The following KAZN variants were observed in gnomAD, a reference collection of about 807,000 sequenced individuals.
KAZN encodes the protein kazrin.
Under a neutral mutation model 87.4 loss-of-function variants are expected in KAZN, and 40 were observed. The ratio of observed to expected loss-of-function variants is 0.46; its 90% CI spans 0.36 to 0.60. The LOEUF is 0.60. Ranked by LOEUF, KAZN falls within the 20% of genes least tolerant of loss-of-function variation. KAZN has a pLI of 0.00. For missense variants in KAZN, 898 were observed against 1,073.9 expected, an observed-to-expected ratio of 0.84 and a Z score of 2.29; for synonymous variants, 466 against 458.3, an observed-to-expected ratio of 1.02 and a Z score of -0.22.
At chr1:14,768,411 T>C (rs1644940605) in intron 1 of KAZN, among the ~76,000 whole-genome samples, 1 of 152,208 alleles carries the variant, frequency 6.6e-6, no homozygotes, top group South Asian at 2.1e-4. Flanking sequence ...TTGATGCGTG[T>C]GGAAACGGAG....
chr1:14,022,964 A>G (rs1467508610), intron 1 of KAZN, among the ~76,000 whole-genome samples: 1 of 152,094 alleles, frequency 6.6e-6, no homozygotes, highest in Non-Finnish European at 1.5e-5. Flanking sequence ...TTATAAATGG[A>G]ATACTATTTC....
intron 10 of KAZN, among the ~76,000 whole-genome samples, 165 bp from the exon 11 acceptor site, chr1:15,101,378 G>A (rs1641062151): frequency 1.3e-5 from 2 of 149,074 alleles, no homozygotes; most frequent in Admixed American, 6.7e-5. Flanking sequence ...TTTTCCTCTT[G>A]ATCTCTCGGC....
chr1:14,711,489 C>T (rs898883678), intron 1 of KAZN, among the ~76,000 whole-genome samples: 3 of 152,166 alleles, frequency 2.0e-5, no homozygotes, highest in Non-Finnish European at 4.4e-5. Context: ...TCCCCACGCC[C>T]TTCCGCTGGT....
intron 1 of KAZN, among the ~76,000 whole-genome samples, chr1:14,135,339 G>A (rs10737920): frequency 0.57 from 86,828 of 151,704 alleles, 26,103 homozygotes; most frequent in East Asian, 0.76. Flanking sequence ...TTTAAAGTCA[G>A]CCGAATAGCT....
In KAZN at chr1:14,452,191, C is replaced by T. The variant is rs140832925; in HGVS notation, c.250-146792C>T. 9.2e-5 allele frequency among the ~76,000 whole-genome samples: 14 copies of T among 152,258 alleles called. No individual in the cohort carries two copies. In the South Asian group the frequency reaches 1.9e-3, roughly 20 times the overall value. ...CTGACCTCAGGTGATCTGCCCACCT[C>T]GGCATCCCAAACTGCTAGGATTACA... On this transcript the variant is annotated intron_variant, in intron 2 of 16. Transcript: ENST00000636203.
At chr1:14,410,834 A>G (rs1056705910) in intron 2 of KAZN, among the ~76,000 whole-genome samples, 3 of 152,216 alleles carry the variant, frequency 2.0e-5, no homozygotes, top group African/African-American at 7.2e-5. Flanking sequence ...GAAAGAGGCC[A>G]GGCATGGATT....
chr1:13,969,647 C>A lies in KAZN; in HGVS notation c.91+75891C>A, dbSNP rs184809083. ...GCATTTCTTGCACTGGCTGTTCCTTCTGCTTGGAGTGCCCTTTCCCCAACT... is the reference window on the plus strand; with the variant it reads ...GCATTTCTTGCACTGGCTGTTCCTTATGCTTGGAGTGCCCTTTCCCCAACT... On this transcript the variant is annotated intron_variant, in intron 1 of 16. Coordinates refer to the KAZN transcript ENST00000636203. 5.9e-5 allele frequency among the ~76,000 whole-genome samples: 9 copies of A among 152,216 alleles called. No homozygotes were observed. In the East Asian group the frequency reaches 1.4e-3, roughly 23 times the overall value.
chr1:14,671,451 TTG>T (rs1639910868), intron 1 of KAZN, among the ~76,000 whole-genome samples: 1 of 152,158 alleles, frequency 6.6e-6, no homozygotes, highest in Non-Finnish European at 1.5e-5. Context: ...GCAAAATTAT[TTG>T]TGTCATCATT....
intron 2 of KAZN, among the ~76,000 whole-genome samples, chr1:14,591,715 G>T (rs1676215317): frequency 6.6e-6 from 1 of 152,186 alleles, no homozygotes. Flanking sequence ...ATGAGAGATT[G>T]CTTGGGAAGA....
At chr1:14,489,264 CTA>C (rs144016967) in intron 2 of KAZN, among the ~76,000 whole-genome samples, 62 of 152,044 alleles carry the variant, frequency 4.1e-4, no homozygotes, top group African/African-American at 1.4e-3. Flanking sequence ...TTTTGGGACT[CTA>C]TATATCTATT....
At chr1:14,915,747 G>A (rs956184192) in intron 1 of KAZN, among the ~76,000 whole-genome samples, 1 of 152,112 alleles carries the variant, frequency 6.6e-6, no homozygotes, top group East Asian at 1.9e-4. Flanking sequence ...ACATCACCTT[G>A]GATGAGTCCT....
chr1:15,110,517 G>T (rs201171348), intron 13 of KAZN, among the ~76,000 whole-genome samples: 1 of 79,336 alleles, frequency 1.3e-5, no homozygotes, highest in Non-Finnish European at 2.8e-5. Flanking sequence ...TTGTGTGTTT[G>T]TGTGTATGTG....
At chr1:14,173,552 A>T (rs4662131) in intron 1 of KAZN, among the ~76,000 whole-genome samples, 26,646 of 152,126 alleles carry the variant, frequency 0.18, 2,460 homozygotes, top group East Asian at 0.34. Context: ...GAATCCCAGG[A>T]CTATCCGCCG....
chr1:14,167,744 CAAGG>C (rs1645863561), intron 1 of KAZN, among the ~76,000 whole-genome samples: 1 of 136,844 alleles, frequency 7.3e-6, no homozygotes, highest in African/African-American at 2.8e-5. Flanking sequence ...CAAAAACAAA[CAAGG>C]AAGCACCTGA....
intron 2 of KAZN, among the ~76,000 whole-genome samples, chr1:14,385,200 T>G (rs974677020): frequency 1.3e-5 from 2 of 152,194 alleles, no homozygotes; most frequent in African/African-American, 4.8e-5. Context: ...ATTTGGTTCT[T>G]CTTTTTTTCT....
intron 2 of KAZN, among the ~76,000 whole-genome samples, chr1:14,484,358 CAA>C (rs770845089): frequency 2.0e-5 from 3 of 149,468 alleles, no homozygotes; most frequent in Non-Finnish European, 4.5e-5. Context: ...TTTACACCAC[CAA>C]AAAAAAATAT....
At chr1:14,743,650 C>G (rs902994471) in intron 1 of KAZN, among the ~76,000 whole-genome samples, 5 of 152,128 alleles carry the variant, frequency 3.3e-5, no homozygotes, top group Admixed American at 3.3e-4. Flanking sequence ...ATCTCTCCCT[C>G]TCCTCGGGTC....
chr1:14,394,368 A>G (rs1156317981), intron 2 of KAZN, among the ~76,000 whole-genome samples: 1 of 152,270 alleles, frequency 6.6e-6, no homozygotes, highest in Non-Finnish European at 1.5e-5. Context: ...AAGATTGCCA[A>G]TAAATAAATA....
chr1:14,605,055 C>T (rs949643367), intron 1 of KAZN, among the ~76,000 whole-genome samples: 1 of 152,196 alleles, frequency 6.6e-6, no homozygotes, highest in African/African-American at 2.4e-5. Context: ...GAACAGAGCG[C>T]CCCTTTTAAA....
Sources: allele counts gnomAD v4.1 joint callset (sites outside exome capture counted in the v4.1 genomes callset), GRCh38; gene constraint gnomAD v4.1.1; transcripts MANE v1.5; gene names NCBI Gene and HGNC (gene_info 2026-07-23, HGNC 2026-07-21).